FMN2: variants seen among roughly 807,000 people sequenced by gnomAD.
FMN2 encodes the protein formin-2.
A neutral mutation model predicts 142.3 loss-of-function variants in FMN2; 51 were observed. That is an observed-to-expected ratio of 0.36 (90% CI 0.29 to 0.45). The LOEUF (loss-of-function observed/expected upper bound fraction) is 0.45, where lower values mean the gene tolerates loss of function less well. FMN2 is among the 20% of genes least tolerant of loss of function. The pLI is 1.00. For missense variants in FMN2, 1,936 were observed against 2,122.8 expected, an observed-to-expected ratio of 0.91 and a Z score of 1.73; for synonymous variants, 882 against 869.8, an observed-to-expected ratio of 1.01 and a Z score of -0.25.
chr1:240,159,423 A>G (rs933838788), intron 2 of FMN2, among the ~76,000 whole-genome samples: 1 of 152,030 alleles, frequency 6.6e-6, no homozygotes, highest in African/African-American at 2.4e-5. Flanking sequence ...TGTATTTGAC[A>G]GTAGTAGCCC....
chr1:240,415,316 A>G (rs987974405), intron 15 of FMN2, among the ~76,000 whole-genome samples: 7 of 152,152 alleles, frequency 4.6e-5, no homozygotes, highest in African/African-American at 1.4e-4. Context: ...GTCCTCACTC[A>G]TAAGTGGGAG....
At chr1:240,413,280 C>T (rs934178478) in intron 15 of FMN2, among the ~76,000 whole-genome samples, 6 of 151,530 alleles carry the variant, frequency 4.0e-5, no homozygotes, top group South Asian at 2.1e-4. Flanking sequence ...TTATGGAACC[C>T]GATCCATGGG....
chr1:240,155,715 A>G (rs1175843143), intron 2 of FMN2, among the ~76,000 whole-genome samples: 1 of 152,148 alleles, frequency 6.6e-6, no homozygotes, highest in Non-Finnish European at 1.5e-5. Flanking sequence ...GTTGTCAAAG[A>G]TCAAGGTTTC....
chr1:240,198,878 G>A lies in FMN2; in HGVS notation c.1987-7921G>A, dbSNP rs546645541. Among the ~76,000 whole-genome samples, 15 of 152,224 alleles carry A rather than the reference G, an allele frequency of 9.9e-5. No individual in the cohort carries two copies. In the East Asian group the frequency reaches 2.9e-3, roughly 29 times the overall value. ...TCCCAGCACTTTGGGAGGCCGAGGT[G>A]GGCGTATCACGATGTCAGGAGTTTG... On this transcript the variant is annotated intron_variant, in intron 4 of 17. Transcript: ENST00000319653.
At chr1:240,392,115 GT>G (rs577730785) in intron 14 of FMN2, among the ~76,000 whole-genome samples, 2,552 of 145,798 alleles carry the variant, frequency 0.018, 56 homozygotes, top group African/African-American at 0.059. Context: ...TCTGTTTAGG[GT>G]TTTTTTTTTT....
rs528787449 is a variant in FMN2, at chr1:240,214,402, T to A, written c.4065+3167T>A. 2.7e-3 allele frequency among the ~76,000 whole-genome samples: 413 copies of A among 151,684 alleles called. 3 individuals carry two copies. In the South Asian group the frequency reaches 0.027, roughly 10 times the overall value. On this transcript the variant is annotated intron_variant, in intron 6 of 17. Transcript: ENST00000319653. Reference sequence around the variant, plus strand: ...CCGTCTCTACTAAAAATACAAAAAATTAGCCGGGCGTGGCAGCAGGTGCCC... The same window carrying A: ...CCGTCTCTACTAAAAATACAAAAAAATAGCCGGGCGTGGCAGCAGGTGCCC...
At chr1:240,176,638 G>A (rs1664927399) in intron 2 of FMN2, among the ~76,000 whole-genome samples, 1 of 152,144 alleles carries the variant, frequency 6.6e-6, no homozygotes, top group South Asian at 2.1e-4. Context: ...ATAGCTCATT[G>A]TCTAACATTC....
chr1:240,147,714 G>T (rs1663550279), intron 2 of FMN2, among the ~76,000 whole-genome samples: 1 of 152,106 alleles, frequency 6.6e-6, no homozygotes, highest in African/African-American at 2.4e-5. Flanking sequence ...TTACCCTAGG[G>T]TCATACTGTA....
At chr1:240,136,852 C>A (rs1312370867) in intron 2 of FMN2, among the ~76,000 whole-genome samples, 2 of 152,030 alleles carry the variant, frequency 1.3e-5, no homozygotes, top group Non-Finnish European at 2.9e-5. Flanking sequence ...GTGGGCGGAG[C>A]ACAAGGTCAG....
rs61830673 is a variant in FMN2 at position 240,148,263 on chromosome 1, G to C, written c.1782+24918G>C. Among the ~76,000 whole-genome samples the C allele has an allele frequency of 4.7e-5, 7 of 147,608 alleles. No individual in the cohort carries two copies. In the Admixed American group the frequency reaches 4.9e-4, roughly 10 times the overall value. ...AGAGAGACAAACAGAGATAGACAGA[G>C]AGACAGAGATAGACAGAGACAGAGA... On this transcript the variant is annotated intron_variant, in intron 2 of 17. Transcript: ENST00000319653.
intron 8 of FMN2, among the ~76,000 whole-genome samples, chr1:240,312,495 G>A (rs1208266352): frequency 1.3e-5 from 2 of 152,090 alleles, no homozygotes; most frequent in African/African-American, 4.8e-5. Context: ...TGAAAGTTCT[G>A]TTGTTTTTCC....
At chr1:240,184,923 C>T (rs567024472) in intron 3 of FMN2, among the ~76,000 whole-genome samples, 33 of 151,686 alleles carry the variant, frequency 2.2e-4, no homozygotes, top group African/African-American at 7.8e-4. Context: ...TTTCATGTTC[C>T]CTTTACTTTC....
At chr1:240,146,941 T>A (rs537320236) in intron 2 of FMN2, among the ~76,000 whole-genome samples, 4 of 140,138 alleles carry the variant, frequency 2.9e-5, no homozygotes, top group African/African-American at 9.7e-5. Context: ...AAAGAACTAA[T>A]GGTGGATGAT....
intron 6 of FMN2, among the ~76,000 whole-genome samples, chr1:240,255,489 A>G (rs1668423610): frequency 6.6e-6 from 1 of 152,196 alleles, no homozygotes; most frequent in Non-Finnish European, 1.5e-5. Flanking sequence ...TTATCTATGT[A>G]AGATAAAGTA....
chr1:240,400,417 C>A (rs1342122975), intron 15 of FMN2, among the ~76,000 whole-genome samples: 1 of 152,174 alleles, frequency 6.6e-6, no homozygotes, highest in African/African-American at 2.4e-5. Flanking sequence ...ATAAAATCAC[C>A]TATATTCCTT....
At chr1:240,445,458 A>G (rs1479855219) in intron 16 of FMN2, among the ~76,000 whole-genome samples, 1 of 152,234 alleles carries the variant, frequency 6.6e-6, no homozygotes, top group East Asian at 1.9e-4. Flanking sequence ...GGACACCTAA[A>G]GAATTCAAGG....
At chr1:240,400,574 C>T (rs1369415752) in intron 15 of FMN2, 7 of 152,186 alleles carry the variant, frequency 4.6e-5, no homozygotes, top group Non-Finnish European at 8.8e-5. Context: ...TAGGCTGCCT[C>T]CTCTCAGGCC....
At chr1:240,272,010 G>A (rs1199344928) in intron 7 of FMN2, among the ~76,000 whole-genome samples, 1 of 152,136 alleles carries the variant, frequency 6.6e-6, no homozygotes, top group African/African-American at 2.4e-5. Flanking sequence ...AATACTTGGG[G>A]TTGTACCAAA....
intron 4 of FMN2, among the ~76,000 whole-genome samples, chr1:240,191,645 A>G (rs1209985850): frequency 6.6e-6 from 1 of 152,362 alleles, no homozygotes; most frequent in African/African-American, 2.4e-5. Context: ...GTAGTATATA[A>G]TAGCTTAGTG....
Sources: allele counts gnomAD v4.1 joint callset (sites outside exome capture counted in the v4.1 genomes callset), GRCh38; gene constraint gnomAD v4.1.1; transcripts MANE v1.5; gene names NCBI Gene and HGNC (gene_info 2026-07-23, HGNC 2026-07-21).